Variants in EBF1 observed in about 807,000 individuals in gnomAD.
The protein encoded by EBF1 is transcription factor COE1.
Under a neutral mutation model 68.4 loss-of-function variants are expected in EBF1, and 10 were observed. The ratio of observed to expected loss-of-function variants is 0.15; its 90% confidence interval spans 0.09 to 0.25. The LOEUF (loss-of-function observed/expected upper bound fraction) is 0.25. EBF1 is among the 10% of genes least tolerant of loss of function. EBF1 has a pLI of 1.00. For missense variants in EBF1, 509 were observed against 794.4 expected (o/e 0.64, Z 4.32); for synonymous variants, 298 against 299.8 (o/e 0.99, Z 0.06).
At chr5:158,896,377 C>A (rs1802185682) in intron 6 of EBF1, among the ~76,000 whole-genome samples, 1 of 152,114 alleles carries the variant, frequency 6.6e-6, no homozygotes, top group Non-Finnish European at 1.5e-5. Flanking sequence ...CTCCTTTATA[C>A]ACGTTTCTGA....
intron 6 of EBF1, among the ~76,000 whole-genome samples, chr5:159,056,935 C>A (rs776550959): frequency 6.6e-6 from 1 of 152,032 alleles, no homozygotes; most frequent in Non-Finnish European, 1.5e-5. Flanking sequence ...CAAACAAAAA[C>A]AAAAATTGCA....
chr5:158,960,159 T>C (rs1019691853), intron 6 of EBF1, among the ~76,000 whole-genome samples: 10 of 152,228 alleles, frequency 6.6e-5, no homozygotes, highest in Admixed American at 1.3e-4. Flanking sequence ...GGAAGCATTT[T>C]AAGATTTTAA....
chr5:158,950,499 C>T (rs1170311840), intron 6 of EBF1, among the ~76,000 whole-genome samples: 1 of 152,112 alleles, frequency 6.6e-6, no homozygotes, highest in Non-Finnish European at 1.5e-5. Context: ...AAATGCTCCG[C>T]CCAGTGTCTA....
At position 158,801,928 on chromosome 5, in the gene EBF1, T is replaced by C. The variant is rs536243456; in HGVS notation, c.779-5453A>G. The stretch of plus-strand genomic sequence containing the variant: ...CTCGCACTGGGAGCATCAGTCTCTT[T>C]ATTAGCAAGGTGAATTTATAAGCTG... On this transcript the variant is annotated intron_variant, in intron 8 of 15. Transcript: ENST00000313708. Among the ~76,000 whole-genome samples, 21 of 152,296 alleles carry C rather than the reference T, an allele frequency of 1.4e-4. No individual in the cohort carries two copies. In the South Asian group the frequency reaches 4.3e-3, roughly 32 times the overall value.
intron 10 of EBF1, among the ~76,000 whole-genome samples, chr5:158,752,092 AATAG>A (rs752572055): frequency 6.6e-6 from 1 of 152,084 alleles, no homozygotes; most frequent in Non-Finnish European, 1.5e-5. Flanking sequence ...TGTGAAACTA[AATAG>A]ATACTCAATA....
intron 6 of EBF1, among the ~76,000 whole-genome samples, chr5:158,905,744 T>A (rs1804447356): frequency 6.6e-6 from 1 of 152,134 alleles, no homozygotes; most frequent in Admixed American, 6.5e-5. Flanking sequence ...TCACCGAAGC[T>A]GGGGCAAAGG....
chr5:158,764,256 T>G (rs1382997049), intron 10 of EBF1, among the ~76,000 whole-genome samples: 3 of 152,194 alleles, frequency 2.0e-5, no homozygotes, highest in Non-Finnish European at 4.4e-5. Flanking sequence ...ATATGTAGTG[T>G]GGAGACAAGC....
Position 159,073,562 on chromosome 5 carries a change from G to T in EBF1, c.486-98C>A, listed in dbSNP as rs535426116. 6.8e-5 allele frequency: 90 copies of T among 1,315,256 alleles called. No homozygotes were observed. The African/African-American group carries it at 1.0e-3, about 15-fold the overall frequency. 81.5% of individuals were successfully genotyped at this position (1,315,256 alleles called of 1,614,324 possible). A position where few individuals can be genotyped will look rare whatever the true frequency, so the allele number is the denominator to read the frequency against. On this transcript the variant is annotated intron_variant, in intron 5 of 15. Coordinates refer to ENST00000313708, the MANE Select transcript of EBF1 (RefSeq NM_024007.5). ...TCAAATTGCTGGGTTGCAAATGCTA[G>T]AATTACCACAAAGCCATACCTGGCA...
intron 6 of EBF1, among the ~76,000 whole-genome samples, chr5:158,873,870 G>A (rs1288840101): frequency 1.3e-5 from 2 of 152,338 alleles, no homozygotes; most frequent in East Asian, 3.9e-4. Context: ...GGTATACAGT[G>A]AGAAGTACCA....
chr5:158,888,523 T>C (rs1037958186), intron 6 of EBF1, among the ~76,000 whole-genome samples: 3 of 152,114 alleles, frequency 2.0e-5, no homozygotes, highest in African/African-American at 7.2e-5. Context: ...GCTAAATTTG[T>C]TCAGTGAGTT....
intron 6 of EBF1, among the ~76,000 whole-genome samples, chr5:159,006,765 C>A (rs1763657893): frequency 6.7e-6 from 1 of 149,754 alleles, no homozygotes; most frequent in South Asian, 2.1e-4. Context: ...CCAACTATAC[C>A]CAAAAATACT....
intron 6 of EBF1, among the ~76,000 whole-genome samples, chr5:158,921,233 T>C (rs2127403908): frequency 6.6e-6 from 1 of 152,308 alleles, no homozygotes; most frequent in East Asian, 1.9e-4. Context: ...TAGCCCTTAA[T>C]CCTTAACAGG....
intron 9 of EBF1, among the ~76,000 whole-genome samples, chr5:158,792,115 C>T (rs1438982562): frequency 6.6e-6 from 1 of 152,168 alleles, no homozygotes; most frequent in African/African-American, 2.4e-5. Flanking sequence ...CATCACACAT[C>T]AACCCTGCTA....
At chr5:158,741,057 A>G (rs1766265728) in intron 10 of EBF1, among the ~76,000 whole-genome samples, 1 of 152,236 alleles carries the variant, frequency 6.6e-6, no homozygotes, top group Non-Finnish European at 1.5e-5. Flanking sequence ...ATATAAAGAA[A>G]TGGACAAAAA....
intron 6 of EBF1, among the ~76,000 whole-genome samples, chr5:159,014,194 G>T (rs1255029667): frequency 6.6e-6 from 1 of 152,108 alleles, no homozygotes; most frequent in Non-Finnish European, 1.5e-5. Context: ...ACCTCAGCCT[G>T]ACAGAAAAAT....
At chr5:158,992,917 C>CTTTTTTTTTTTT (rs148629320) in intron 6 of EBF1, among the ~76,000 whole-genome samples, 1 of 72,826 alleles carries the variant, frequency 1.4e-5, no homozygotes, top group African/African-American at 5.6e-5. Context: ...CTGTTTCTTT[C>CTTTTTTTTTTTT]TTTTTTTTTT....
intron 6 of EBF1, among the ~76,000 whole-genome samples, chr5:158,923,537 A>G (rs1343965574): frequency 6.6e-6 from 1 of 152,228 alleles, no homozygotes; most frequent in Non-Finnish European, 1.5e-5. Flanking sequence ...TGTTGAAGCC[A>G]TGTAGCTCTG....
At chr5:158,855,055 C>G (rs1439163196) in intron 6 of EBF1, among the ~76,000 whole-genome samples, 3 of 152,144 alleles carry the variant, frequency 2.0e-5, no homozygotes, top group African/African-American at 7.2e-5. Context: ...AAATATTGTT[C>G]ATAACAGAGA....
chr5:159,034,687 G>A (rs1226590829), intron 6 of EBF1, among the ~76,000 whole-genome samples: 1 of 152,166 alleles, frequency 6.6e-6, no homozygotes, highest in African/African-American at 2.4e-5. Flanking sequence ...CTACTTCATT[G>A]TCGTTGTTTT....
Sources: gnomAD v4.1 joint callset for allele counts (sites outside exome capture counted in the v4.1 genomes callset) on GRCh38, gnomAD v4.1.1 for gene constraint, MANE v1.5 for transcripts, NCBI Gene and HGNC (gene_info 2026-07-23, HGNC 2026-07-21) for gene names.